The following TBC1D12 variants were observed in gnomAD, a reference collection of about 807,000 sequenced individuals.
The protein encoded by TBC1D12 is TBC1 domain family member 12, also known as TBC1 domain family, member 12.
A neutral mutation model predicts 86.7 loss-of-function variants in TBC1D12; 56 were observed. The ratio of observed to expected loss-of-function variants is 0.65; its 90% CI spans 0.52 to 0.81. The LOEUF is 0.81. Ranked by LOEUF, TBC1D12 falls within the 30% of genes least tolerant of loss-of-function variation. TBC1D12 has a pLI of 0.00. For synonymous variants in TBC1D12, 421 were observed against 411.7 expected, an observed-to-expected ratio of 1.02 and a Z score of -0.27; for missense variants, 1,023 against 1,038.8, an observed-to-expected ratio of 0.98 and a Z score of 0.21.
At chr10:94,467,857 A>G (rs1242878151) in intron 2 of TBC1D12, among the ~76,000 whole-genome samples, 2 of 152,178 alleles carry the variant, frequency 1.3e-5, no homozygotes, top group Non-Finnish European at 2.9e-5. Context: ...TTTTGTAGAG[A>G]CAATGTCTCA....
chr10:94,441,967 G>A lies in TBC1D12; in HGVS notation c.1043G>A (p.Gly348Asp). 6.2e-7 allele frequency: 1 copy of A among 1,613,254 alleles called. No individual in the cohort carries two copies. The highest frequency in any genetic ancestry group is 8.5e-7 in the Non-Finnish European group (1 of 1,179,636). The change falls in exon 2 of 13, where the codon GGT becomes GAT. Residue 348 changes from glycine (G) to aspartate (D), a missense_variant. This residue lies in a region of TBC1D12 where 628 missense variants were observed against 531.1 expected (regional missense o/e 1.18). Transcript: ENST00000225235. Reference sequence around the variant, plus strand: ...AGTGCTCCTGGTTGGAAATTATTTGGTAAAGTCCCTCCTAGAGAGAATCTT... The same window carrying A: ...AGTGCTCCTGGTTGGAAATTATTTGATAAAGTCCCTCCTAGAGAGAATCTT... ...VHSAPGWKLF[G>D]KVPPRENLQK...
At chr10:94,439,500 A>G (rs1054127421) in intron 1 of TBC1D12, among the ~76,000 whole-genome samples, 4 of 152,264 alleles carry the variant, frequency 2.6e-5, no homozygotes, top group Admixed American at 6.5e-5. Context: ...AGGCTGCAGG[A>G]ACGCCATCTC....
At chr10:94,426,346 T>C (rs1188705545) in intron 1 of TBC1D12, among the ~76,000 whole-genome samples, 2 of 152,176 alleles carry the variant, frequency 1.3e-5, no homozygotes, top group Admixed American at 6.5e-5. Flanking sequence ...TTAATTAAGC[T>C]AATGAACTTC....
chr10:94,405,099 T>TTTC (rs780701773), intron 1 of TBC1D12, among the ~76,000 whole-genome samples: 82 of 151,410 alleles, frequency 5.4e-4, no homozygotes, highest in Admixed American at 1.4e-3. Context: ...GACACGCCTT[T>TTTC]TTCTTCTTCT....
At chr10:94,437,795 C>T (rs1258275991) in intron 1 of TBC1D12, among the ~76,000 whole-genome samples, 3 of 151,998 alleles carry the variant, frequency 2.0e-5, no homozygotes, top group African/African-American at 7.2e-5. Flanking sequence ...CTTCTGCCTG[C>T]TCAAATTTGC....
Position 94,529,366 on chromosome 10 carries a change from C to T in TBC1D12, c.2001-1836C>T, listed in dbSNP as rs552021955. On this transcript the variant is annotated intron_variant, in intron 11 of 12. Transcript: ENST00000225235. ...GGGCACAGTGGCTCATGCCTGTAAT[C>T]CCAGCACTTTGGGAGTCCGAGGCAG... is the stretch of plus-strand genomic sequence containing the variant. 3.9e-5 allele frequency among the ~76,000 whole-genome samples: 6 copies of T among 152,234 alleles called. No homozygotes were observed. In the South Asian group the frequency reaches 1.2e-3, roughly 32 times the overall value.
In TBC1D12 at chr10:94,535,697, C is replaced by G. The variant is rs534647096; in HGVS notation, c.*2601C>G. The G allele has an allele frequency of 2.0e-5, 3 of 152,296 alleles. No homozygotes were observed. Among genetic ancestry groups the G allele is most frequent in the African/African-American group, 7.2e-5 (3 of 41,570 alleles). The allele number at this position is 152,296 out of a possible 1,614,324, so 9.4% of individuals were successfully genotyped here. On this transcript the variant is annotated 3_prime_UTR_variant, in exon 13 of 13. Transcript: ENST00000225235. ...GGTATCCTTGATAGAGGGAATATAA[C>G]ATCTGGCAGTAATCTCATTCAGGTT...
chr10:94,403,655 TCGGAGC>T lies in TBC1D12; in HGVS notation c.971+90_971+95del, dbSNP rs3980307. ...GCCGGAGCCGGGGTCTTGGTGGGAGTCGGAGCCGGAGCCGGAGCCGGAGCGGAGAGC... is the reference window on the plus strand; with the variant it reads ...GCCGGAGCCGGGGTCTTGGTGGGAGTCGGAGCCGGAGCCGGAGCGGAGAGC... On this transcript the variant is annotated intron_variant, in intron 1 of 12. Coordinates refer to ENST00000225235, the MANE Select transcript of TBC1D12 (RefSeq NM_015188.2). 1.9e-4 allele frequency: 256 copies of T among 1,343,940 alleles called. 2 individuals are homozygous for T. The highest frequency in any genetic ancestry group is 1.7e-3 in the African/African-American group (109 of 63,714). 83.3% of individuals were successfully genotyped at this position (1,343,940 alleles called of 1,614,324 possible).
intron 1 of TBC1D12, among the ~76,000 whole-genome samples, chr10:94,426,726 G>A (rs1278656348): frequency 2.0e-5 from 3 of 151,858 alleles, no homozygotes; most frequent in East Asian, 1.9e-4. Context: ...ACAGGCGCTC[G>A]CCACCACACC....
intron 2 of TBC1D12, among the ~76,000 whole-genome samples, chr10:94,455,908 G>A (rs1241094875): frequency 1.3e-5 from 2 of 151,952 alleles, no homozygotes; most frequent in African/African-American, 2.4e-5. Context: ...CAGTGAGCCA[G>A]GATGGCACCT....
intron 1 of TBC1D12, among the ~76,000 whole-genome samples, chr10:94,434,792 AGCTACTCAGGAG>A (rs2055272561): frequency 6.6e-6 from 1 of 152,188 alleles, no homozygotes; most frequent in Non-Finnish European, 1.5e-5. Context: ...CTGTGGTCCC[AGCTACTCAGGAG>A]GCTGAGGCAA....
chr10:94,459,530 C>T (rs1007409472), intron 2 of TBC1D12, among the ~76,000 whole-genome samples: 22 of 152,366 alleles, frequency 1.4e-4, no homozygotes, highest in Admixed American at 3.9e-4. Context: ...TGGGACCTTG[C>T]GCCATGGAGC....
chr10:94,423,983 A>G (rs1183325599), intron 1 of TBC1D12, among the ~76,000 whole-genome samples: 1 of 152,220 alleles, frequency 6.6e-6, no homozygotes, highest in African/African-American at 2.4e-5. Context: ...GAACATGAAC[A>G]GACTTTTTTC....
At chr10:94,437,586 A>G (rs1214983919) in intron 1 of TBC1D12, among the ~76,000 whole-genome samples, 1 of 152,168 alleles carries the variant, frequency 6.6e-6, no homozygotes, top group Non-Finnish European at 1.5e-5. Context: ...TTGGCCTCCC[A>G]AAGTGAGTTA....
At chr10:94,407,016 C>G (rs903271204) in intron 1 of TBC1D12, among the ~76,000 whole-genome samples, 2 of 151,948 alleles carry the variant, frequency 1.3e-5, no homozygotes, top group Non-Finnish European at 2.9e-5. Context: ...TCGTTCTTCT[C>G]TTTCCCTTAA....
chr10:94,412,188 A>T (rs2054936878), intron 1 of TBC1D12, among the ~76,000 whole-genome samples: 1 of 152,200 alleles, frequency 6.6e-6, no homozygotes, highest in Non-Finnish European at 1.5e-5. Flanking sequence ...TGCCTAATTC[A>T]TGGGATTGCC....
Position 94,465,668 on chromosome 10 carries a change from A to ATGTG in TBC1D12, c.1096-8999_1096-8998insGTGT, listed in dbSNP as rs1488661977. On this transcript the variant is annotated intron_variant, in intron 2 of 12. Transcript: ENST00000225235. ...CCTAAAAAAAAAAATATATATATAT[A>ATGTG]TATGTGTGTGTGTGTGTGTGTGTGT... 4.3e-3 allele frequency among the ~76,000 whole-genome samples: 359 copies of ATGTG among 83,588 alleles called. 1 individual carries two copies. Among genetic ancestry groups the ATGTG allele is most frequent in the African/African-American group, 0.011 (304 of 26,482 alleles). 54.8% of individuals were successfully genotyped at this position (83,588 alleles called of 152,430 possible). A position where few individuals can be genotyped will look rare whatever the true frequency, so the allele number is the denominator to read the frequency against.
intron 6 of TBC1D12, among the ~76,000 whole-genome samples, chr10:94,501,178 G>A (rs954439780): frequency 6.6e-6 from 1 of 152,072 alleles, no homozygotes; most frequent in Non-Finnish European, 1.5e-5. Flanking sequence ...GCCGGGCATG[G>A]TGGCTCATGC....
At chr10:94,509,908 A>G in intron 7 of TBC1D12, 183 bp from the exon 8 acceptor site, 2 of 532,578 alleles carry the variant, frequency 3.8e-6, no homozygotes, top group South Asian at 5.1e-5. Context: ...ATAAATGTAT[A>G]GCTATTTTCT....
Sources: allele counts gnomAD v4.1 joint callset (sites outside exome capture counted in the v4.1 genomes callset), GRCh38; gene constraint gnomAD v4.1.1; regional missense constraint gnomAD v4.1.1; transcripts MANE v1.5; gene names NCBI Gene and HGNC (gene_info 2026-07-23, HGNC 2026-07-21).